Variants in VWA8 observed in about 807,000 individuals in gnomAD.
The protein encoded by VWA8 is von Willebrand factor A domain containing 8.
Under a neutral mutation model 241.5 loss-of-function variants are expected in VWA8, and 221 were observed. The observed-to-expected ratio is 0.91, with a 90% confidence interval of 0.82 to 1.02. VWA8 has a LOEUF of 1.02. VWA8 is among the 50% of genes least tolerant of loss of function. The pLI is 0.00. For synonymous variants in VWA8, 852 were observed against 827.1 expected (o/e 1.03, Z -0.52); for missense variants, 2,322 against 2,328.7 (o/e 1.00, Z 0.06).
intron 12 of VWA8, among the ~76,000 whole-genome samples, chr13:41,848,597 T>C (rs77375884): frequency 0.14 from 22,046 of 152,232 alleles, 1,690 homozygotes; most frequent in East Asian, 0.18. Flanking sequence ...AACTCCCTCC[T>C]GCCACCTAGT....
chr13:41,645,639 A>G (rs2044826509), intron 37 of VWA8, among the ~76,000 whole-genome samples: 1 of 152,170 alleles, frequency 6.6e-6, no homozygotes, highest in Non-Finnish European at 1.5e-5. Flanking sequence ...AGAGCGACTC[A>G]AAACATTTCC....
At chr13:41,740,619 G>C (rs191395681) in intron 21 of VWA8, among the ~76,000 whole-genome samples, 1 of 152,292 alleles carries the variant, frequency 6.6e-6, no homozygotes, top group East Asian at 1.9e-4. Flanking sequence ...TCACCATCCA[G>C]AGCCTCCAGA....
At chr13:41,764,183 T>C (rs2137910719) in intron 20 of VWA8, among the ~76,000 whole-genome samples, 1 of 152,300 alleles carries the variant, frequency 6.6e-6, no homozygotes, top group Admixed American at 6.5e-5. Flanking sequence ...AAAAGAATGC[T>C]AGAAGATTTT....
At position 41,866,407 on chromosome 13, in the gene VWA8, A is replaced by ATG. The variant is rs567226376; in HGVS notation, c.1213-373_1213-372dup. Among the ~76,000 whole-genome samples the ATG allele has an allele frequency of 1.8e-3, 270 of 149,324 alleles. 1 individual carries two copies. The highest frequency in any genetic ancestry group is 4.0e-3 in the Admixed American group (60 of 14,946). On this transcript the variant is annotated intron_variant, in intron 10 of 44. Coordinates refer to ENST00000379310, the MANE Select transcript of VWA8 (RefSeq NM_015058.2). The stretch of plus-strand genomic sequence containing the variant: ...TGTGTGTGCGCGTGTGTGTGTGTAT[A>ATG]TGTGTGTGTGTGTGTGTAAAACATG...
intron 2 of VWA8, among the ~76,000 whole-genome samples, chr13:41,917,603 A>T (rs1365614695): frequency 1.3e-5 from 2 of 152,184 alleles, no homozygotes; most frequent in Non-Finnish European, 2.9e-5. Context: ...GAATTATTCA[A>T]GTCTCATCCT....
intron 17 of VWA8, among the ~76,000 whole-genome samples, chr13:41,792,205 G>A (rs2137949349): frequency 6.6e-6 from 1 of 151,714 alleles, no homozygotes; most frequent in South Asian, 2.1e-4. Flanking sequence ...TTATTAATTT[G>A]TAGTTACTTT....
chr13:41,719,935 T>C lies in VWA8; in HGVS notation c.2965-193A>G, dbSNP rs575664521. Among the ~76,000 whole-genome samples, 22 of 152,226 alleles carry C rather than the reference T, an allele frequency of 1.4e-4. No individual in the cohort carries two copies. The South Asian group carries it at 4.6e-3, about 32-fold the overall frequency. On this transcript the variant is annotated intron_variant, in intron 25 of 44. Coordinates refer to ENST00000379310, the MANE Select transcript of VWA8 (RefSeq NM_015058.2). The stretch of plus-strand genomic sequence containing the variant: ...TTGCTCAGATGACTTAACAATATTT[T>C]CCTTTTTAAATAAATGCCAGAATTT...
At chr13:41,668,909 T>C (rs2045004211) in intron 37 of VWA8, among the ~76,000 whole-genome samples, 1 of 152,188 alleles carries the variant, frequency 6.6e-6, no homozygotes, top group Admixed American at 6.5e-5. Context: ...AAACTATCAT[T>C]CAATTCTGAA....
chr13:41,919,565 C>T lies in VWA8; in HGVS notation c.242-7397G>A, dbSNP rs904604190. On this transcript the variant is annotated intron_variant, in intron 2 of 44. Transcript: ENST00000379310. ...TTTGCCATCACTGCAGCACAGCTAC[C>T]TGGTAGCCCCCAATCCCTGAATTTA... Among the ~76,000 whole-genome samples, 15 of 152,120 alleles carry T rather than the reference C, an allele frequency of 9.9e-5. 1 individual carries two copies. The highest frequency in any genetic ancestry group is 1.9e-4 in the Non-Finnish European group (13 of 68,016).
At chr13:41,573,369 G>C (rs1189558850) in intron 43 of VWA8, among the ~76,000 whole-genome samples, 1 of 150,292 alleles carries the variant, frequency 6.7e-6, no homozygotes, top group Non-Finnish European at 1.5e-5. Flanking sequence ...AGCGGGCCGA[G>C]ATTGTGCCAC....
At chr13:41,934,922 T>G (rs952922959) in intron 2 of VWA8, among the ~76,000 whole-genome samples, 8 of 152,080 alleles carry the variant, frequency 5.3e-5, no homozygotes, top group Admixed American at 3.9e-4. Context: ...AATAATACTG[T>G]TTTTAAAAAT....
intron 19 of VWA8, 125 bp from the exon 20 acceptor site, chr13:41,778,181 A>T (rs558531885): frequency 2.2e-5 from 12 of 534,156 alleles, no homozygotes; most frequent in Admixed American, 1.3e-4. Context: ...AATCGATTTG[A>T]TATAACCCAA....
chr13:41,703,072 C>G (rs900087472), intron 27 of VWA8, among the ~76,000 whole-genome samples: 1 of 152,076 alleles, frequency 6.6e-6, no homozygotes, highest in Non-Finnish European at 1.5e-5. Context: ...AGCAACTTTC[C>G]TAGGAAAATA....
At chr13:41,826,891 G>T (rs1871197246) in intron 14 of VWA8, among the ~76,000 whole-genome samples, 1 of 151,770 alleles carries the variant, frequency 6.6e-6, no homozygotes, top group South Asian at 2.1e-4. Context: ...GATAAAAAAA[G>T]AAAAAAAGAA....
intron 4 of VWA8, among the ~76,000 whole-genome samples, chr13:41,901,865 C>CAAAAAA (rs1167305999): frequency 4.1e-4 from 10 of 24,670 alleles, no homozygotes; most frequent in Non-Finnish European, 4.9e-4. Context: ...GACTCCATCT[C>CAAAAAA]AAAAAAAAAA....
chr13:41,712,729 T>C (rs1037140870), intron 26 of VWA8, among the ~76,000 whole-genome samples: 3 of 152,210 alleles, frequency 2.0e-5, no homozygotes, highest in Admixed American at 6.5e-5. Flanking sequence ...TAGAATTTAT[T>C]TAAGGTCTCT....
intron 18 of VWA8, among the ~76,000 whole-genome samples, chr13:41,784,755 T>TACACACAC: frequency 8.5e-6 from 1 of 117,066 alleles, no homozygotes; most frequent in South Asian, 3.1e-4. Flanking sequence ...TATATATATA[T>TACACACAC]ATATATACAC....
chr13:41,618,513 C>T (rs564092577), intron 37 of VWA8, among the ~76,000 whole-genome samples: 15 of 152,258 alleles, frequency 9.9e-5, no homozygotes, highest in African/African-American at 2.4e-4. Context: ...CTTTTGTTGC[C>T]ATTGCTTTCG....
At chr13:41,731,614 C>T (rs1346594787) in intron 22 of VWA8, among the ~76,000 whole-genome samples, 1 of 152,090 alleles carries the variant, frequency 6.6e-6, no homozygotes, top group Non-Finnish European at 1.5e-5. Context: ...TAGGCTGAAA[C>T]GTATTAGAAT....
Sources: allele counts gnomAD v4.1 joint callset (sites outside exome capture counted in the v4.1 genomes callset), GRCh38; gene constraint gnomAD v4.1.1; transcripts MANE v1.5; gene names NCBI Gene and HGNC (gene_info 2026-07-23, HGNC 2026-07-21).